Variants in CHD9 observed in about 807,000 individuals in gnomAD.
CHD9 encodes ATP-dependent chromatin remodeler CHD9.
Under a neutral mutation model 316.1 loss-of-function variants are expected in CHD9, and 77 were observed. The ratio of observed to expected loss-of-function variants is 0.24; its 90% CI spans 0.20 to 0.29. CHD9 has a LOEUF of 0.29. Ranked by LOEUF, CHD9 falls within the 10% of genes least tolerant of loss-of-function variation. The pLI, the probability that CHD9 is intolerant of heterozygous loss-of-function variation, is 1.00. For synonymous variants in CHD9, 1,129 were observed against 1,158.3 expected (o/e 0.97, Z 0.51); for missense variants, 2,763 against 3,438.1 (o/e 0.80, Z 4.91).
intron 2 of CHD9, among the ~76,000 whole-genome samples, chr16:53,177,390 G>A (rs747941024): frequency 1.9e-4 from 29 of 152,082 alleles, no homozygotes; most frequent in Non-Finnish European, 2.8e-4. Flanking sequence ...TTGTTTGTAC[G>A]TCTGGATCTG....
At chr16:53,180,096 G>A (rs1225169547) in intron 2 of CHD9, among the ~76,000 whole-genome samples, 5 of 142,986 alleles carry the variant, frequency 3.5e-5, no homozygotes, top group Admixed American at 1.4e-4. Context: ...GTGCCATCTC[G>A]GCTCACTGCA....
rs748570455 is a variant in CHD9, at chr16:53,314,448, C to A, written c.7294C>A (p.Arg2432=). Residue 2432 remains arginine, a synonymous_variant, in exon 35 of 39, where the codon CGA becomes AGA. Transcript: ENST00000447540. ...CAACCAGCCTATAGTCAAAAAAAGG[C>A]GAGGAAGGAGGAAGAATGTAGAAGG... ...LDNQPIVKKR[R]GRRKNVEGVD... 4 of 1,585,968 alleles carry A rather than the reference C, an allele frequency of 2.5e-6. No homozygotes were observed. In the East Asian group the frequency reaches 9.1e-5, roughly 36 times the overall value.
chr16:53,214,480 T>G (rs1226652376), intron 3 of CHD9, among the ~76,000 whole-genome samples: 1 of 152,180 alleles, frequency 6.6e-6, no homozygotes, highest in Non-Finnish European at 1.5e-5. Context: ...GGTTTAAATT[T>G]ATTATGAATT....
At position 53,137,518 on chromosome 16, in the gene CHD9, G is replaced by T. The variant is rs187025294; in HGVS notation, c.-164-18408G>T. ...TGCCTTATGGTTTTTCAAATTTGTT[G>T]TTCCAATTTCTACTCCTTTTAGCAG... On this transcript the variant is annotated intron_variant, in intron 1 of 38. Transcript: ENST00000447540. Among the ~76,000 whole-genome samples, 155 of 152,222 alleles carry T rather than the reference G, an allele frequency of 1.0e-3. 1 individual carries two copies. The highest frequency in any genetic ancestry group is 3.6e-3 in the African/African-American group (149 of 41,530).
At chr16:53,075,221 T>A (rs1158617077) in intron 1 of CHD9, among the ~76,000 whole-genome samples, 1 of 152,202 alleles carries the variant, frequency 6.6e-6, no homozygotes, top group Non-Finnish European at 1.5e-5. Flanking sequence ...TATATTTACC[T>A]AATACCTGTA....
chr16:53,184,455 A>G (rs111372796), intron 2 of CHD9, among the ~76,000 whole-genome samples: 5,828 of 150,830 alleles, frequency 0.039, 377 homozygotes, highest in African/African-American at 0.13. Flanking sequence ...TCTCACCCCA[A>G]CCTCCCTAGT....
intron 2 of CHD9, among the ~76,000 whole-genome samples, chr16:53,182,299 A>G (rs768220703): frequency 1.3e-5 from 2 of 152,052 alleles, no homozygotes; most frequent in Non-Finnish European, 2.9e-5. Flanking sequence ...GGCTCAAGTG[A>G]TCTTCTCATC....
intron 18 of CHD9, among the ~76,000 whole-genome samples, chr16:53,255,198 A>G (rs1466354181): frequency 1.3e-5 from 2 of 152,124 alleles, no homozygotes; most frequent in Non-Finnish European, 2.9e-5. Context: ...GGTCCACACC[A>G]CTTGGGAAGT....
At position 53,077,518 on chromosome 16, in the gene CHD9, G is replaced by A. The variant is rs552505009; in HGVS notation, c.-165+22441G>A. On this transcript the variant is annotated intron_variant, in intron 1 of 38. Coordinates refer to ENST00000447540, the MANE Select transcript of CHD9 (RefSeq NM_001308319.2). Reference sequence around the variant, plus strand: ...TTGTTTTTGTATTTTTAGTAGAGACGGGGTTTCACCATGTTAGCCAGGATG... The same window carrying A: ...TTGTTTTTGTATTTTTAGTAGAGACAGGGTTTCACCATGTTAGCCAGGATG... Among the ~76,000 whole-genome samples, 17 of 151,780 alleles carry A rather than the reference G, an allele frequency of 1.1e-4. 1 individual carries two copies. The highest frequency in any genetic ancestry group is 9.9e-4 in the Admixed American group (15 of 15,222).
At chr16:53,316,468 A>G (rs1038369972) in intron 36 of CHD9, among the ~76,000 whole-genome samples, 1 of 152,192 alleles carries the variant, frequency 6.6e-6, no homozygotes, top group African/African-American at 2.4e-5. Context: ...TTAACTTTTT[A>G]AACTTGTATA....
chr16:53,117,866 C>G lies in CHD9; in HGVS notation c.-164-38060C>G, dbSNP rs183738689. ...TTTGAGACGGAGTCTCTCTCTGTCT[C>G]CCAGGCTGGAGTGCAGTGGTGCGAT... On this transcript the variant is annotated intron_variant, in intron 1 of 38. Transcript: ENST00000447540. Among the ~76,000 whole-genome samples the G allele has an allele frequency of 9.7e-4, 146 of 150,368 alleles. 1 individual carries two copies. Among genetic ancestry groups the G allele is most frequent in the African/African-American group, 3.3e-3 (136 of 40,776 alleles).
chr16:53,304,030 T>G lies in CHD9; in HGVS notation c.6024T>G (p.His2008Gln), dbSNP rs1462266579. The G allele has an allele frequency of 6.2e-7, 1 of 1,614,018 alleles. No individual in the cohort carries two copies. Among genetic ancestry groups the G allele is most frequent in the African/African-American group, 1.3e-5 (1 of 75,048 alleles). ...ACTACAGTCAAAGTAAGATGGCTCA[T>G]TCAAGGACTTCTACCCCACTTCTAC... Reference protein sequence around the residue: ...QRNYSQSKMAHSRTSTPLLQQ... With the variant: ...QRNYSQSKMAQSRTSTPLLQQ... The change falls in exon 31 of 39, where the codon CAT becomes CAG. Residue 2008 changes from histidine to glutamine, a missense_variant. By Grantham distance (24) the His-to-Gln change is conservative (BLOSUM62 0). Coordinates refer to ENST00000447540, the MANE Select transcript of CHD9 (RefSeq NM_001308319.2).
At chr16:53,129,810 G>A (rs1233760821) in intron 1 of CHD9, among the ~76,000 whole-genome samples, 2 of 152,192 alleles carry the variant, frequency 1.3e-5, no homozygotes, top group Non-Finnish European at 2.9e-5. Flanking sequence ...AGCCAGCTAA[G>A]GACCTGAAAG....
At chr16:53,068,582 C>T (rs2033730903) in intron 1 of CHD9, among the ~76,000 whole-genome samples, 1 of 152,204 alleles carries the variant, frequency 6.6e-6, no homozygotes, top group African/African-American at 2.4e-5. Context: ...GCAAGAAGTC[C>T]TCTCTCCTCC....
intron 23 of CHD9, among the ~76,000 whole-genome samples, chr16:53,273,991 A>G (rs780310460): frequency 6.6e-6 from 1 of 152,144 alleles, no homozygotes; most frequent in African/African-American, 2.4e-5. Context: ...CTGGCCTCCA[A>G]ATGAGCTCAT....
intron 22 of CHD9, among the ~76,000 whole-genome samples, chr16:53,270,772 G>C (rs1323396222): frequency 1.3e-5 from 2 of 152,170 alleles, no homozygotes; most frequent in Non-Finnish European, 2.9e-5. Context: ...TAGGTCAGCA[G>C]TGGGAAAGGC....
intron 2 of CHD9, among the ~76,000 whole-genome samples, chr16:53,204,662 C>T (rs1016848892): frequency 1.3e-5 from 2 of 152,030 alleles, no homozygotes; most frequent in African/African-American, 4.8e-5. Context: ...TACTATAAAT[C>T]TTTGAGTTTC....
At chr16:53,227,970 C>G (rs2047797359) in intron 7 of CHD9, among the ~76,000 whole-genome samples, 1 of 151,902 alleles carries the variant, frequency 6.6e-6, no homozygotes, top group Non-Finnish European at 1.5e-5. Context: ...CCTGTAGTCC[C>G]AGCTACTCAG....
At chr16:53,144,711 A>G (rs2040422583) in intron 1 of CHD9, among the ~76,000 whole-genome samples, 1 of 152,044 alleles carries the variant, frequency 6.6e-6, no homozygotes, top group Non-Finnish European at 1.5e-5. Flanking sequence ...TTTTTAGTAG[A>G]GACGGGGTTT....
Sources: allele counts gnomAD v4.1 joint callset (sites outside exome capture counted in the v4.1 genomes callset), GRCh38; gene constraint gnomAD v4.1.1; transcripts MANE v1.5; gene names NCBI Gene and HGNC (gene_info 2026-07-23, HGNC 2026-07-21).